Variants in PLGRKT observed in about 807,000 individuals in gnomAD.
PLGRKT encodes plasminogen receptor (KT).
A neutral mutation model predicts 18.5 loss-of-function variants in PLGRKT; 22 were observed. That is an observed-to-expected ratio of 1.19 (90% CI 0.85 to 1.70). PLGRKT has a LOEUF of 1.70. Ranked by LOEUF, PLGRKT falls within the 40% of genes most tolerant of loss-of-function variation. The pLI, the probability that PLGRKT is intolerant of heterozygous loss-of-function variation, is 0.00. For missense variants in PLGRKT, 235 were observed against 174.4 expected, an observed-to-expected ratio of 1.35 and a Z score of -1.96; for synonymous variants, 72 against 52.8, an observed-to-expected ratio of 1.36 and a Z score of -1.58.
At chr9:5,404,940 C>G (rs1293799424) in intron 3 of PLGRKT, among the ~76,000 whole-genome samples, 1 of 152,084 alleles carries the variant, frequency 6.6e-6, no homozygotes, top group Non-Finnish European at 1.5e-5. Flanking sequence ...TCTGAGGATG[C>G]AAAATCAATG....
intron 3 of PLGRKT, among the ~76,000 whole-genome samples, chr9:5,396,389 G>T (rs950418451): frequency 3.3e-5 from 5 of 151,662 alleles, no homozygotes; most frequent in Non-Finnish European, 7.4e-5. Context: ...AGGTTCAAGT[G>T]ATTCTCCTGC....
At chr9:5,380,233 TG>T (rs1817713464) in intron 3 of PLGRKT, among the ~76,000 whole-genome samples, 1 of 151,778 alleles carries the variant, frequency 6.6e-6, no homozygotes, top group African/African-American at 2.4e-5. Context: ...GGCGTGGTGG[TG>T]GGCACCTGTA....
At position 5,386,494 on chromosome 9, in the gene PLGRKT, C is replaced by G. The variant is rs186181575; in HGVS notation, c.82-24606G>C. ...ACATCATATGATATGCAGTGGACCC[C>G]CACACACACACAACAAAACAATTTT... On this transcript the variant is annotated intron_variant, in intron 3 of 5. Coordinates refer to ENST00000223864, the MANE Select transcript of PLGRKT (RefSeq NM_018465.4). Among the ~76,000 whole-genome samples, 397 of 151,658 alleles carry G rather than the reference C, an allele frequency of 2.6e-3. 1 individual carries two copies. The highest frequency in any genetic ancestry group is 7.1e-3 in the South Asian group (34 of 4,804).
intron 3 of PLGRKT, among the ~76,000 whole-genome samples, chr9:5,370,131 A>T (rs1377482182): frequency 6.6e-6 from 1 of 152,230 alleles, no homozygotes; most frequent in Non-Finnish European, 1.5e-5. Context: ...AAAGGAAGCT[A>T]GCATATCATA....
At chr9:5,367,197 C>A (rs1188174384) in intron 3 of PLGRKT, among the ~76,000 whole-genome samples, 1 of 151,956 alleles carries the variant, frequency 6.6e-6, no homozygotes, top group Non-Finnish European at 1.5e-5. Flanking sequence ...AAGTGCTATT[C>A]CTATCAAACT....
intron 3 of PLGRKT, among the ~76,000 whole-genome samples, chr9:5,388,575 T>G (rs1310623715): frequency 1.3e-5 from 2 of 152,064 alleles, no homozygotes; most frequent in African/African-American, 4.8e-5. Flanking sequence ...CTTGAGGTTT[T>G]GACTTAAAAT....
At chr9:5,435,494 G>C (rs947925521) in intron 2 of PLGRKT, among the ~76,000 whole-genome samples, 1 of 152,090 alleles carries the variant, frequency 6.6e-6, no homozygotes, top group Non-Finnish European at 1.5e-5. Context: ...TTCTCTCCAA[G>C]ATAGCATGTA....
intron 3 of PLGRKT, among the ~76,000 whole-genome samples, chr9:5,364,463 A>C (rs779297235): frequency 6.6e-6 from 1 of 152,190 alleles, no homozygotes; most frequent in Non-Finnish European, 1.5e-5. Context: ...AAACTCATAA[A>C]ACTTTACAGC....
chr9:5,398,943 G>A (rs2131124457), intron 3 of PLGRKT, among the ~76,000 whole-genome samples: 1 of 151,570 alleles, frequency 6.6e-6, no homozygotes, highest in South Asian at 2.1e-4. Flanking sequence ...ATTTGTAAAG[G>A]ACATTTTTAT....
chr9:5,432,845 A>G (rs1554635145), intron 2 of PLGRKT, among the ~76,000 whole-genome samples: 2 of 152,126 alleles, frequency 1.3e-5, no homozygotes, highest in Non-Finnish European at 2.9e-5. Flanking sequence ...TCGGCTGGCT[A>G]CAACCTCCAC....
At chr9:5,371,884 T>C (rs933411722) in intron 3 of PLGRKT, among the ~76,000 whole-genome samples, 1 of 151,680 alleles carries the variant, frequency 6.6e-6, no homozygotes, top group Non-Finnish European at 1.5e-5. Flanking sequence ...AAGACCTCTA[T>C]TCTACAATAC....
rs908223877 is a variant in PLGRKT, at chr9:5,370,379, A to G, written c.82-8491T>C. The stretch of plus-strand genomic sequence containing the variant: ...TAAAGTTATTAAATTTCATTTGGAC[A>G]CACAAAACATTGTATAACACAAAGG... On this transcript the variant is annotated intron_variant, in intron 3 of 5. Transcript: ENST00000223864. Among the ~76,000 whole-genome samples, 3 of 152,232 alleles carry G rather than the reference A, an allele frequency of 2.0e-5. No homozygotes were observed. The East Asian group carries it at 5.8e-4, about 29-fold the overall frequency.
In PLGRKT at chr9:5,426,802, T is replaced by C. The variant is rs373174266; in HGVS notation, c.81+5095A>G. Among the ~76,000 whole-genome samples the C allele has an allele frequency of 5.6e-4, 86 of 152,294 alleles. No individual in the cohort carries two copies. In the Middle Eastern group the frequency reaches 0.017, roughly 30 times the overall value. On this transcript the variant is annotated intron_variant, in intron 3 of 5. Transcript: ENST00000223864. ...ATCTCCTTCCAGTCAAAGAGCAGAC[T>C]TGCTCATCACTCATGATGAAAATGA...
Position 5,398,045 on chromosome 9 carries a change from C to T in PLGRKT, c.81+33852G>A, listed in dbSNP as rs149589288. Among the ~76,000 whole-genome samples the T allele has an allele frequency of 3.1e-3, 477 of 152,034 alleles. 13 individuals carry two copies. The highest frequency in any genetic ancestry group is 0.011 in the African/African-American group (436 of 41,298). ...TGGATGCATAGAGCAAAGCCTGAAC[C>T]ACACTGAGGACTAGAGCAGGTAGAT... On this transcript the variant is annotated intron_variant, in intron 3 of 5. Coordinates refer to ENST00000223864, the MANE Select transcript of PLGRKT (RefSeq NM_018465.4).
chr9:5,391,951 C>A (rs532292731), intron 3 of PLGRKT, among the ~76,000 whole-genome samples: 15 of 152,024 alleles, frequency 9.9e-5, no homozygotes, highest in African/African-American at 2.9e-4. Context: ...CAAGGCTGAT[C>A]TCCTTAGCTG....
intron 3 of PLGRKT, among the ~76,000 whole-genome samples, chr9:5,423,315 T>G (rs548415523): frequency 6.6e-6 from 1 of 152,368 alleles, no homozygotes; most frequent in South Asian, 2.1e-4. Flanking sequence ...GTACTAAATG[T>G]GTAAATGAAT....
At chr9:5,430,195 A>C (rs1012098062) in intron 3 of PLGRKT, among the ~76,000 whole-genome samples, 2 of 152,214 alleles carry the variant, frequency 1.3e-5, no homozygotes, top group African/African-American at 4.8e-5. Flanking sequence ...AGTTGTCTCC[A>C]GTCTTCTGTA....
At chr9:5,384,025 G>A (rs190768751) in intron 3 of PLGRKT, among the ~76,000 whole-genome samples, 5 of 152,336 alleles carry the variant, frequency 3.3e-5, no homozygotes, top group African/African-American at 9.6e-5. Context: ...CCACTCCACT[G>A]TCACAGCGCC....
intron 5 of PLGRKT, among the ~76,000 whole-genome samples, chr9:5,358,882 T>C (rs1252364907): frequency 6.6e-6 from 1 of 152,154 alleles, no homozygotes; most frequent in Non-Finnish European, 1.5e-5. Flanking sequence ...AATTCCTCTT[T>C]CAAAGAGCTA....
Sources: gnomAD v4.1 joint callset for allele counts (sites outside exome capture counted in the v4.1 genomes callset) on GRCh38, gnomAD v4.1.1 for gene constraint, MANE v1.5 for transcripts, NCBI Gene and HGNC (gene_info 2026-07-23, HGNC 2026-07-21) for gene names.